RIC8B: variants seen among roughly 807,000 people sequenced by gnomAD.
The protein encoded by RIC8B is RIC8 guanine nucleotide exchange factor B.
RIC8B carries 16 observed loss-of-function variants against 57.5 expected under a neutral mutation model. That is an observed-to-expected ratio of 0.28 (90% confidence interval 0.19 to 0.42). RIC8B has a LOEUF of 0.42. RIC8B is among the 10% of genes least tolerant of loss of function. The pLI is 1.00. For synonymous variants in RIC8B, 216 were observed against 250.8 expected, an observed-to-expected ratio of 0.86 and a Z score of 1.31; for missense variants, 481 against 677.0, an observed-to-expected ratio of 0.71 and a Z score of 3.21.
chr12:106,804,464 C>T (rs1326589603), intron 2 of RIC8B, among the ~76,000 whole-genome samples: 1 of 152,196 alleles, frequency 6.6e-6, no homozygotes, highest in Admixed American at 6.5e-5. Flanking sequence ...GATCCGCCCG[C>T]CTTGGCCTCC....
chr12:106,864,652 T>C (rs1429491061), intron 8 of RIC8B, among the ~76,000 whole-genome samples: 1 of 152,168 alleles, frequency 6.6e-6, no homozygotes, highest in Non-Finnish European at 1.5e-5. Context: ...TTTATTGTGC[T>C]CTTCATTCTG....
At chr12:106,878,930 C>G in intron 9 of RIC8B, 1 of 977,932 alleles carries the variant, frequency 1.0e-6, no homozygotes, top group Non-Finnish European at 1.2e-6. Flanking sequence ...AGGTCTCTAA[C>G]ATGCTGTTTT....
rs60536359 is a variant in RIC8B at position 106,849,287 on chromosome 12, GTTTATTTATTTA to G, written c.1162-2137_1162-2126del. On this transcript the variant is annotated intron_variant, in intron 6 of 9. Coordinates refer to ENST00000392837, the MANE Select transcript of RIC8B (RefSeq NM_001330145.2). ...AAAAAAATTTTTTTCTTTTTAAATA[GTTTATTTATTTA>G]TTTATTTATTTATTTATTTATTTAT... 5.8e-4 allele frequency among the ~76,000 whole-genome samples: 84 copies of G among 143,966 alleles called. 2 individuals are homozygous for G. The highest frequency in any genetic ancestry group is 1.9e-3 in the Admixed American group (28 of 14,480). The allele number at this position is 143,966 out of a possible 152,430, so 94.4% of individuals were successfully genotyped here. A position where few individuals can be genotyped will look rare whatever the true frequency, so the allele number is the denominator to read the frequency against.
At chr12:106,827,410 T>C (rs1379254894) in intron 4 of RIC8B, among the ~76,000 whole-genome samples, 1 of 152,226 alleles carries the variant, frequency 6.6e-6, no homozygotes, top group Non-Finnish European at 1.5e-5. Context: ...ACTTAAAATA[T>C]TCAGTTTTCC....
intron 4 of RIC8B, among the ~76,000 whole-genome samples, chr12:106,832,491 T>TG (rs922570254): frequency 6.6e-6 from 1 of 150,424 alleles, no homozygotes; most frequent in Non-Finnish European, 1.5e-5. Flanking sequence ...CGCTTGAACC[T>TG]GGGGGGCTGA....
chr12:106,853,341 C>G (rs952910445), intron 7 of RIC8B, among the ~76,000 whole-genome samples: 1 of 150,622 alleles, frequency 6.6e-6, no homozygotes, highest in African/African-American at 2.4e-5. Context: ...GTTGGTTTTG[C>G]TCCCTCTTGG....
At chr12:106,834,548 G>A (rs1364256381) in intron 4 of RIC8B, among the ~76,000 whole-genome samples, 1 of 152,050 alleles carries the variant, frequency 6.6e-6, no homozygotes, top group Non-Finnish European at 1.5e-5. Flanking sequence ...TTCTTTCAAA[G>A]TATCTCAAGA....
At chr12:106,777,842 C>T (rs1189304169) in intron 1 of RIC8B, among the ~76,000 whole-genome samples, 1 of 152,114 alleles carries the variant, frequency 6.6e-6, no homozygotes, top group Non-Finnish European at 1.5e-5. Context: ...ACCTAGGAAG[C>T]ACTCAGTAAG....
At chr12:106,871,490 A>AC (rs1283103931) in intron 9 of RIC8B, 1 of 143,798 alleles carries the variant, frequency 7.0e-6, no homozygotes, top group Non-Finnish European at 1.5e-5. Flanking sequence ...AAAAAAAAAA[A>AC]AAAAAAAACC....
chr12:106,859,094 C>T (rs983312561), intron 7 of RIC8B, among the ~76,000 whole-genome samples: 3 of 151,988 alleles, frequency 2.0e-5, no homozygotes, highest in South Asian at 2.1e-4. Context: ...TGGCTTTATA[C>T]GTGGATAAGA....
In RIC8B at chr12:106,868,523, T is replaced by C. The variant is rs1444047720; in HGVS notation, c.1452-2300T>C. 5 of 313,938 alleles carry C rather than the reference T, an allele frequency of 1.6e-5. No homozygotes were observed. The East Asian group carries it at 3.9e-4, about 24-fold the overall frequency. 19.4% of individuals were successfully genotyped at this position (313,938 alleles called of 1,614,324 possible). A position where few individuals can be genotyped will look rare whatever the true frequency, so the allele number is the denominator to read the frequency against. ...GAAACCAGTGAAAAGAGATGTCTTG[T>C]TATATGCCTGAGCAAATAATGGATG... On this transcript the variant is annotated intron_variant, in intron 8 of 9. Coordinates refer to ENST00000392837, the MANE Select transcript of RIC8B (RefSeq NM_001330145.2).
chr12:106,775,245 G>C, intron 1 of RIC8B: 1 of 432,548 alleles, frequency 2.3e-6, no homozygotes, highest in Non-Finnish European at 4.6e-6. Flanking sequence ...TATCAGCAAC[G>C]ATGGCAGTTT....
chr12:106,788,899 T>G (rs1348272053), intron 2 of RIC8B, among the ~76,000 whole-genome samples: 1 of 152,264 alleles, frequency 6.6e-6, no homozygotes, highest in Non-Finnish European at 1.5e-5. Flanking sequence ...TTTCACAATT[T>G]CTGCAACCAG....
chr12:106,878,878 G>C, intron 9 of RIC8B: 1 of 559,252 alleles, frequency 1.8e-6, no homozygotes, highest in South Asian at 7.8e-5. Context: ...TACATAAAAG[G>C]ATCGGAACTA....
chr12:106,799,066 G>A (rs1459866823), intron 2 of RIC8B, among the ~76,000 whole-genome samples: 5 of 152,232 alleles, frequency 3.3e-5, no homozygotes, highest in South Asian at 2.1e-4. Context: ...TTTCAGATAC[G>A]TTCCTGTATC....
Position 106,843,916 on chromosome 12 carries a change from A to G in RIC8B, c.1130A>G (p.His377Arg). 6.2e-7 allele frequency: 1 copy of G among 1,613,944 alleles called. No homozygotes were observed. The highest frequency in any genetic ancestry group is 8.5e-7 in the Non-Finnish European group (1 of 1,179,930). The change falls in exon 6 of 10, where the codon CAT becomes CGT. Residue 377 changes from histidine (H) to arginine (R), a missense_variant. His to Arg is a conservative substitution (Grantham distance 29). Transcript: ENST00000392837. Reference protein sequence around the residue: ...LSLLTECSRAHRNIRKFLKDQ... With the variant: ...LSLLTECSRARRNIRKFLKDQ... ...TTATTAACCGAATGTTCCCGAGCCCATCGAAACATCCGAAAATTTCTCAAA... is the reference window on the plus strand; with the variant it reads ...TTATTAACCGAATGTTCCCGAGCCCGTCGAAACATCCGAAAATTTCTCAAA...
chr12:106,861,132 C>A (rs1272954462), intron 8 of RIC8B, among the ~76,000 whole-genome samples: 1 of 152,044 alleles, frequency 6.6e-6, no homozygotes, highest in Non-Finnish European at 1.5e-5. Flanking sequence ...TTCTTAGTTT[C>A]CGCTTATTAG....
intron 4 of RIC8B, among the ~76,000 whole-genome samples, chr12:106,836,201 T>G (rs73200066): frequency 6.6e-6 from 1 of 152,218 alleles, no homozygotes; most frequent in Non-Finnish European, 1.5e-5. Flanking sequence ...AAATTCTTTG[T>G]CTACTCCTCA....
intron 1 of RIC8B, chr12:106,775,494 C>T (rs2043427301): frequency 2.7e-6 from 1 of 371,548 alleles, no homozygotes; most frequent in Non-Finnish European, 5.4e-6. Context: ...CTTTCCTATC[C>T]ATTATCTTAT....
Sources: gnomAD v4.1 joint callset for allele counts (sites outside exome capture counted in the v4.1 genomes callset) on GRCh38, gnomAD v4.1.1 for gene constraint, MANE v1.5 for transcripts, NCBI Gene and HGNC (gene_info 2026-07-23, HGNC 2026-07-21) for gene names.